PBRM1: variants seen among roughly 807,000 people sequenced by gnomAD.
The protein encoded by PBRM1 is protein polybromo-1.
A neutral mutation model predicts 194.5 loss-of-function variants in PBRM1; 27 were observed. The ratio of observed to expected loss-of-function variants is 0.14; its 90% CI spans 0.10 to 0.19. PBRM1 has a LOEUF of 0.19. Ranked by LOEUF, PBRM1 falls within the 10% of genes least tolerant of loss-of-function variation. The pLI is 1.00. For synonymous variants in PBRM1, 655 were observed against 693.2 expected (o/e 0.94, Z 0.87); for missense variants, 1,466 against 2,077.2 (o/e 0.71, Z 5.72).
At chr3:52,679,859 A>G, upstream of PBRM1, 2 of 530,604 alleles carry the variant, frequency 3.8e-6, no homozygotes, top group Middle Eastern at 5.3e-4. Flanking sequence ...ACTAGCTATA[A>G]GTTTTTTTTT....
chr3:52,685,251 C>A (rs1336044022), intron 1 of PBRM1, among the ~76,000 whole-genome samples: 1 of 152,126 alleles, frequency 6.6e-6, no homozygotes, highest in African/African-American at 2.4e-5. Context: ...TCCCAAAATC[C>A]CGGATTCTTT....
chr3:52,587,658 C>T, intron 18 of PBRM1, 148 bp from the exon 21 acceptor site: 1 of 613,204 alleles, frequency 1.6e-6, no homozygotes, highest in Non-Finnish European at 2.8e-6. Flanking sequence ...GGTCCTCCAA[C>T]CTCAGCCTCC....
At chr3:52,625,797 G>A (rs775609883) in intron 13 of PBRM1, among the ~76,000 whole-genome samples, 4 of 151,786 alleles carry the variant, frequency 2.6e-5, no homozygotes, top group Non-Finnish European at 4.4e-5. Flanking sequence ...GGCTGGTCTC[G>A]AAACTCCTGA....
At chr3:52,657,443 T>A (rs2096628619) in intron 5 of PBRM1, among the ~76,000 whole-genome samples, 1 of 152,134 alleles carries the variant, frequency 6.6e-6, no homozygotes, top group East Asian at 1.9e-4. Flanking sequence ...GTGAGGAGGA[T>A]CTCTTGGGGG....
chr3:52,590,221 G>A (rs954494669), intron 17 of PBRM1, among the ~76,000 whole-genome samples: 4 of 151,856 alleles, frequency 2.6e-5, no homozygotes, highest in African/African-American at 9.7e-5. Flanking sequence ...GGAGGCCGAG[G>A]CGGGCGGATC....
intron 4 of PBRM1, among the ~76,000 whole-genome samples, chr3:52,661,176 C>A (rs1042478143): frequency 6.6e-6 from 1 of 152,120 alleles, no homozygotes; most frequent in Non-Finnish European, 1.5e-5. Flanking sequence ...CAGGCATGTG[C>A]CACCTGCCTA....
chr3:52,652,939 A>C (rs1007591780), intron 5 of PBRM1, among the ~76,000 whole-genome samples: 8 of 152,122 alleles, frequency 5.3e-5, no homozygotes, highest in Non-Finnish European at 1.0e-4. Flanking sequence ...TGGAGGTTGC[A>C]GTGAGCCGAG....
At chr3:52,573,782 GA>G (rs1199337638) in intron 22 of PBRM1, among the ~76,000 whole-genome samples, 1 of 152,100 alleles carries the variant, frequency 6.6e-6, no homozygotes, top group Non-Finnish European at 1.5e-5. Flanking sequence ...GCTTAATTAA[GA>G]AAAAAAGTGA....
At chr3:52,636,683 G>A (rs1336081917) in intron 10 of PBRM1, among the ~76,000 whole-genome samples, 4 of 135,534 alleles carry the variant, frequency 3.0e-5, no homozygotes, top group Non-Finnish European at 6.1e-5. Flanking sequence ...CTTGAAACCA[G>A]AAGGCGGAGA....
chr3:52,607,845 T>TTTCTACTCA (rs2094427211), intron 16 of PBRM1, among the ~76,000 whole-genome samples: 1 of 152,184 alleles, frequency 6.6e-6, no homozygotes, highest in African/African-American at 2.4e-5. Context: ...TGAAGAACCA[T>TTTCTACTCA]ATTATTAAGG....
Position 52,586,420 on chromosome 3 carries a change from C to T in PBRM1, c.3387+5G>A, listed in dbSNP as rs2153757685. The stretch of plus-strand genomic sequence containing the variant: ...ATTTTTTCTGTGTGGCTATTATCTG[C>T]ATACCTTTTCCAAGTTAAAATTGTC... On this transcript the variant is annotated splice_donor_5th_base_variant and intron_variant, in intron 20 of 29. Coordinates refer to ENST00000296302, the Ensembl canonical transcript of PBRM1. The T allele has an allele frequency of 6.2e-7, 1 of 1,608,618 alleles. No homozygotes were observed.
At chr3:52,662,266 G>A (rs757308937) in exon 4 of PBRM1, 3 of 1,610,524 alleles carry the variant, frequency 1.9e-6, no homozygotes, top group South Asian at 1.1e-5. Flanking sequence ...TTTATATTCA[G>A]GAGAATCTGG....
intron 7 of PBRM1, 42 bp downstream of exon 8, chr3:52,648,298 TACTA>T (rs1489581854): frequency 1.9e-6 from 2 of 1,037,526 alleles, no homozygotes; most frequent in African/African-American, 3.2e-5. Flanking sequence ...TTAAATTATC[TACTA>T]TTACCAAGGA....
chr3:52,650,744 T>C (rs2096467971), intron 6 of PBRM1, among the ~76,000 whole-genome samples: 1 of 152,166 alleles, frequency 6.6e-6, no homozygotes. Flanking sequence ...ACACGCAACA[T>C]ACAGCAGAGG....
exon 5 of PBRM1, chr3:52,658,269 G>C (rs1275698120): frequency 3.7e-6 from 6 of 1,612,936 alleles, no homozygotes; most frequent in Non-Finnish European, 1.7e-6. Context: ...TACAACTATG[G>C]CTTCAAGAAG....
At chr3:52,678,933 A>G (rs2097158171) in intron 1 of PBRM1, among the ~76,000 whole-genome samples, 1 of 152,204 alleles carries the variant, frequency 6.6e-6, no homozygotes, top group Admixed American at 6.5e-5. Context: ...TCTTGCTTAA[A>G]GCCATCTGAC....
intron 6 of PBRM1, among the ~76,000 whole-genome samples, chr3:52,650,262 C>G (rs565565426): frequency 6.7e-6 from 1 of 148,448 alleles, no homozygotes; most frequent in South Asian, 2.2e-4. Flanking sequence ...ACTCGGGAGG[C>G]TGAGGCAGGA....
intron 2 of PBRM1, among the ~76,000 whole-genome samples, chr3:52,676,481 GA>G (rs1468815449): frequency 1.3e-5 from 2 of 152,166 alleles, no homozygotes; most frequent in African/African-American, 4.8e-5. Context: ...ACTGATGTAA[GA>G]AGTGCCTTTC....
At position 52,636,405 on chromosome 3, in the gene PBRM1, G is replaced by A. The variant is rs141027511; in HGVS notation, c.1088-1590C>T. ...AAGGACCATAATTTAAATTTTTCTT[G>A]ATGGATCAGAATAAACATATAGTTG... On this transcript the variant is annotated intron_variant, in intron 10 of 29. Transcript: ENST00000296302. 2.3e-4 allele frequency among the ~76,000 whole-genome samples: 35 copies of A among 152,084 alleles called. 1 individual carries two copies. In the East Asian group the frequency reaches 6.6e-3, roughly 28 times the overall value.
Sources: gnomAD v4.1 joint callset for allele counts (sites outside exome capture counted in the v4.1 genomes callset) on GRCh38, gnomAD v4.1.1 for gene constraint, MANE v1.5 for transcripts, NCBI Gene and HGNC (gene_info 2026-07-23, HGNC 2026-07-21) for gene names.